The following ERAP1 variants were observed in gnomAD, a reference collection of about 807,000 sequenced individuals.
The protein encoded by ERAP1 is endoplasmic reticulum aminopeptidase 1.
ERAP1 carries 86 observed loss-of-function variants against 103.7 expected under a neutral mutation model. The ratio of observed to expected loss-of-function variants is 0.83; its 90% confidence interval spans 0.70 to 0.99. The LOEUF (loss-of-function observed/expected upper bound fraction) is 0.99, where lower values mean the gene tolerates loss of function less well. ERAP1 is among the 50% of genes least tolerant of loss of function. The pLI is 0.00. For missense variants in ERAP1, 1,009 were observed against 1,128.4 expected (o/e 0.89, Z 1.52); for synonymous variants, 398 against 402.4 (o/e 0.99, Z 0.13).
chr5:96,778,132 A>G (rs1774618393), intron 18 of ERAP1, among the ~76,000 whole-genome samples: 1 of 152,228 alleles, frequency 6.6e-6, no homozygotes, highest in Non-Finnish European at 1.5e-5. Context: ...TTTGTTCACC[A>G]ATATTTACTC....
chr5:96,912,999 T>C, the ERAP1 span, among the ~76,000 whole-genome samples: 1 of 152,212 alleles, frequency 6.6e-6, no homozygotes, highest in African/African-American at 2.4e-5. Context: ...AATCATATGA[T>C]TGAGACTAGA....
At chr5:96,786,193 T>A (rs1452840859) in intron 12 of ERAP1, among the ~76,000 whole-genome samples, 4 of 152,360 alleles carry the variant, frequency 2.6e-5, no homozygotes, top group African/African-American at 9.6e-5. Flanking sequence ...ATGAAAAGAA[T>A]GGCAACTACA....
At chr5:96,924,883 C>T in the ERAP1 span, among the ~76,000 whole-genome samples, 165 of 152,290 alleles carry the variant, frequency 1.1e-3, 1 homozygote, top group Middle Eastern at 6.8e-3. Context: ...CAGGCATGAG[C>T]CACTGTGCCT....
the ERAP1 span, among the ~76,000 whole-genome samples, chr5:96,827,460 G>A: frequency 2.0e-5 from 3 of 152,262 alleles, no homozygotes; most frequent in South Asian, 2.1e-4. Context: ...TCAAGAGTTC[G>A]TGAACAGCCT....
At chr5:96,794,962 C>T in intron 5 of ERAP1, 80 bp downstream of exon 5, 1 of 1,545,706 alleles carries the variant, frequency 6.5e-7, no homozygotes, top group Non-Finnish European at 8.8e-7. Flanking sequence ...GAGGCAACTA[C>T]AGGGATGTGC....
chr5:96,861,225 C>CT, the ERAP1 span, among the ~76,000 whole-genome samples: 1 of 152,228 alleles, frequency 6.6e-6, no homozygotes. Context: ...TTATCACTTG[C>CT]TGTGGCTTCC....
the ERAP1 span, among the ~76,000 whole-genome samples, chr5:96,905,088 C>T: frequency 6.6e-6 from 1 of 152,108 alleles, no homozygotes; most frequent in African/African-American, 2.4e-5. Context: ...GAAGATAAAG[C>T]AGTAAGTGCA....
the ERAP1 span, among the ~76,000 whole-genome samples, chr5:96,930,497 C>T: frequency 6.6e-6 from 1 of 151,808 alleles, no homozygotes; most frequent in African/African-American, 2.4e-5. Flanking sequence ...TTCCTGTTCT[C>T]TTTGCCCCTC....
chr5:96,914,990 T>G, the ERAP1 span, among the ~76,000 whole-genome samples: 1 of 152,086 alleles, frequency 6.6e-6, no homozygotes, highest in Non-Finnish European at 1.5e-5. Flanking sequence ...CCTTAACATA[T>G]GCATATAATT....
intron 11 of ERAP1, among the ~76,000 whole-genome samples, chr5:96,787,953 G>A (rs564376355): frequency 1.3e-5 from 2 of 152,098 alleles, no homozygotes; most frequent in South Asian, 4.2e-4. Context: ...TCTAGGTAAA[G>A]GATATATAGG....
chr5:96,926,983 A>AT, the ERAP1 span, among the ~76,000 whole-genome samples: 1 of 152,058 alleles, frequency 6.6e-6, no homozygotes, highest in Admixed American at 6.5e-5. Flanking sequence ...TGCCTGGCTA[A>AT]TTTTTTTATT....
chr5:96,917,720 C>G, the ERAP1 span: 1 of 730,930 alleles, frequency 1.4e-6, no homozygotes, highest in Non-Finnish European at 2.1e-6. Flanking sequence ...TCCTGGCTAA[C>G]ACGGTGAGAC....
At chr5:96,776,819 A>G (rs1455480210) in intron 18 of ERAP1, 2 of 454,186 alleles carry the variant, frequency 4.4e-6, no homozygotes, top group African/African-American at 4.0e-5. Context: ...TTTTATAATT[A>G]AGGTTTAATT....
At chr5:96,873,917 C>A in the ERAP1 span, among the ~76,000 whole-genome samples, 2 of 151,914 alleles carry the variant, frequency 1.3e-5, no homozygotes, top group East Asian at 3.9e-4. Context: ...AAAAAGCAGG[C>A]TGACAGGATA....
intron 2 of ERAP1, 128 bp downstream of exon 2, chr5:96,803,274 GA>G: frequency 1.1e-6 from 1 of 903,558 alleles, no homozygotes; most frequent in East Asian, 2.6e-5. Context: ...ACACTATAAA[GA>G]AGATGCAAAA....
the ERAP1 span, among the ~76,000 whole-genome samples, chr5:96,858,611 A>G: frequency 6.6e-6 from 1 of 152,230 alleles, no homozygotes; most frequent in Non-Finnish European, 1.5e-5. Flanking sequence ...GAATGTGTCT[A>G]AGATTTCTCT....
chr5:96,815,407 G>GTTTTTTTTTTTTT, the ERAP1 span, among the ~76,000 whole-genome samples: 30 of 105,482 alleles, frequency 2.8e-4, no homozygotes, highest in Non-Finnish European at 3.7e-4. Flanking sequence ...TGTTTGTTTT[G>GTTTTTTTTTTTTT]TTTTTTATTT....
At chr5:96,763,350 G>A (rs1380480794) in intron 19 of ERAP1, 1 of 743,390 alleles carries the variant, frequency 1.3e-6, no homozygotes, top group Admixed American at 1.9e-5. Flanking sequence ...CCCCGTGTGT[G>A]TGTATGTGCA....
the ERAP1 span, among the ~76,000 whole-genome samples, chr5:96,922,039 C>T: frequency 6.6e-6 from 1 of 151,134 alleles, no homozygotes; most frequent in African/African-American, 2.4e-5. Context: ...TGGCTCACGC[C>T]TGTAATCCCA....
Sources: gnomAD v4.1 joint callset for allele counts (sites outside exome capture counted in the v4.1 genomes callset) on GRCh38, gnomAD v4.1.1 for gene constraint, MANE v1.5 for transcripts, NCBI Gene and HGNC (gene_info 2026-07-23, HGNC 2026-07-21) for gene names.